H6PD: variants seen among roughly 807,000 people sequenced by gnomAD.
H6PD encodes GDH/6PGL endoplasmic bifunctional protein.
A neutral mutation model predicts 61.2 loss-of-function variants in H6PD; 48 were observed. The observed-to-expected ratio is 0.78, with a 90% CI of 0.62 to 1.00. H6PD has a LOEUF of 1.00. Among genes scored for constraint, H6PD ranks in the 50% least tolerant of loss-of-function variants. The pLI, the probability that H6PD is intolerant of heterozygous loss-of-function variation, is 0.00. For synonymous variants in H6PD, 480 were observed against 457.9 expected (o/e 1.05, Z -0.62); for missense variants, 1,093 against 1,065.0 (o/e 1.03, Z -0.37).
At chr1:9,259,471 T>C (rs1344402011) in intron 3 of H6PD, among the ~76,000 whole-genome samples, 1 of 152,222 alleles carries the variant, frequency 6.6e-6, no homozygotes, top group Non-Finnish European at 1.5e-5. Flanking sequence ...TATGTTGTTA[T>C]GCTGGTGTTG....
rs1557427009 is a variant in H6PD, at chr1:9,264,733, T to C, written c.2240T>C (p.Met747Thr). The C allele has an allele frequency of 1.2e-6, 2 of 1,613,246 alleles. No homozygotes were observed. The highest frequency in any genetic ancestry group is 2.2e-5 in the South Asian group (2 of 91,088). ...GCCAAGAAGGTGGCAGTCCTGGTCATGGGCAGGATGAAGCGTGAGATCACC... is the reference window on the plus strand; with the variant it reads ...GCCAAGAAGGTGGCAGTCCTGGTCACGGGCAGGATGAAGCGTGAGATCACC... The part of the protein sequence containing the change: ...NRAKKVAVLV[M>T]GRMKREITTL... Residue 747 changes from methionine (M) to threonine (T), a missense_variant, in exon 5 of 5, where the codon ATG becomes ACG. Transcript: ENST00000377403.
At chr1:9,251,314 C>CT (rs1001704395) in intron 3 of H6PD, among the ~76,000 whole-genome samples, 6 of 152,224 alleles carry the variant, frequency 3.9e-5, no homozygotes, top group African/African-American at 1.4e-4. Context: ...GCCTGAGCCT[C>CT]TAACCACTGA....
rs1570088122 is a variant in H6PD, at chr1:9,245,045, G to A, written c.111G>A (p.Leu37=). The A allele has an allele frequency of 2.5e-6, 4 of 1,614,230 alleles. No individual in the cohort carries two copies. Among genetic ancestry groups the A allele is most frequent in the Non-Finnish European group, 3.4e-6 (4 of 1,180,034 alleles). The change falls in exon 2 of 5, where the codon CTG becomes CTA. Residue 37 remains leucine (L), a synonymous_variant. Coordinates refer to ENST00000377403, the MANE Select transcript of H6PD (RefSeq NM_004285.4). The surrounding 1 kb of genome is among the most constrained non-coding windows in gnomAD (Gnocchi z 4.8). Reference sequence around the variant, plus strand: ...TCCTGCTGGGAGCAACTGGGGACCTGGCTAAGAAGTACTTATGGCAGGGAC... The same window carrying A: ...TCCTGCTGGGAGCAACTGGGGACCTAGCTAAGAAGTACTTATGGCAGGGAC... ...SIILLGATGD[L]AKKYLWQGLF... is the part of the protein sequence containing the mutation.
At chr1:9,250,881 T>C (rs1346549631) in intron 3 of H6PD, among the ~76,000 whole-genome samples, 1 of 152,070 alleles carries the variant, frequency 6.6e-6, no homozygotes, top group Non-Finnish European at 1.5e-5. Context: ...TCCTCCATGC[T>C]GGGTGAGTGT....
intron 1 of H6PD, among the ~76,000 whole-genome samples, chr1:9,237,922 AAAAC>A (rs1317432775): frequency 1.3e-5 from 2 of 152,346 alleles, no homozygotes; most frequent in East Asian, 1.9e-4. Flanking sequence ...TGCGGAGAAC[AAAAC>A]AAACAAAAGT....
rs772283974 is a variant in H6PD, at chr1:9,264,051, T to C, written c.1558T>C (p.Leu520=). The C allele has an allele frequency of 5.0e-6, 8 of 1,613,976 alleles. No individual in the cohort carries two copies. In the East Asian group the frequency reaches 1.3e-4, roughly 27 times the overall value. Residue 520 remains leucine (L), a synonymous_variant, in exon 5 of 5, where the codon TTG becomes CTG. Coordinates refer to ENST00000377403, the MANE Select transcript of H6PD (RefSeq NM_004285.4). ...GGACTTTGAGTTCAGTAGCGGCCGG[T>C]TGTTCTTTTCCCAGCAGCAGCCGGA... ...LLDFEFSSGR[L]FFSQQQPEQL... is the part of the protein sequence containing the mutation.
At chr1:9,249,669 T>C (rs1034661206) in intron 3 of H6PD, among the ~76,000 whole-genome samples, 7 of 152,188 alleles carry the variant, frequency 4.6e-5, no homozygotes, top group Admixed American at 6.5e-5. Context: ...GGAGATCCAC[T>C]AGTCCTGGAG....
chr1:9,236,668 TAAAAAAAAAAAA>T, intron 1 of H6PD, among the ~76,000 whole-genome samples: 1 of 111,454 alleles, frequency 9.0e-6, no homozygotes, highest in South Asian at 3.0e-4. Context: ...GACTTCTCCT[TAAAAAAAAAAAA>T]AAAAAAAAGC....
In H6PD at chr1:9,265,145, C is replaced by T. The variant is rs903617311; in HGVS notation, c.*276C>T. 3.6e-6 allele frequency: 2 copies of T among 547,956 alleles called. No homozygotes were observed. The highest frequency in any genetic ancestry group is 3.8e-5 in the African/African-American group (2 of 52,764). 33.9% of individuals were successfully genotyped at this position (547,956 alleles called of 1,614,324 possible). A position where few individuals can be genotyped will look rare whatever the true frequency, so the allele number is the denominator to read the frequency against. The stretch of plus-strand genomic sequence containing the variant: ...GGAGAGAAGTCTTAAGAAAAGACCT[C>T]CAGCAGTTACACATTCATATCAACC... On this transcript the variant is annotated 3_prime_UTR_variant, in exon 5 of 5. Coordinates refer to ENST00000377403, the MANE Select transcript of H6PD (RefSeq NM_004285.4).
chr1:9,264,641 C>A lies in H6PD; in HGVS notation c.2148C>A (p.Val716=). 6.2e-7 allele frequency: 1 copy of A among 1,612,970 alleles called. No individual in the cohort carries two copies. Among genetic ancestry groups the A allele is most frequent in the South Asian group, 1.1e-5 (1 of 91,068 alleles). Residue 716 remains valine (V), a synonymous_variant, in exon 5 of 5, where the codon GTC becomes GTA. Coordinates refer to ENST00000377403, the MANE Select transcript of H6PD (RefSeq NM_004285.4). ...SPTGLDGEQL[V]VLTTSPSQPH... is the part of the protein sequence containing the mutation. ...CTGGCCTGGATGGCGAGCAGCTGGT[C>A]GTGCTGACCACGAGCCCCTCCCAGC...
chr1:9,239,034 C>G (rs72867293), intron 1 of H6PD, among the ~76,000 whole-genome samples: 4,893 of 151,784 alleles, frequency 0.032, 230 homozygotes, highest in African/African-American at 0.11. Flanking sequence ...TATTTATTAC[C>G]TTTCTTTTTA....
Position 9,264,866 on chromosome 1 carries a change from A to G in H6PD, c.2373A>G (p.Gly791=). ...ACATGGACTACGACGCCTTCCTGGGATGAGGGCGCCTGTGCCCCTTGCCCG... is the reference window on the plus strand; with the variant it reads ...ACATGGACTACGACGCCTTCCTGGGGTGAGGGCGCCTGTGCCCCTTGCCCG... The part of the protein sequence containing the change: ...VWYMDYDAFL[G] The change falls in exon 5 of 5, where the codon GGA becomes GGG. Residue 791 remains glycine, a synonymous_variant. Transcript: ENST00000377403. 1 of 1,611,324 alleles carries G rather than the reference A, an allele frequency of 6.2e-7. No individual in the cohort carries two copies. The highest frequency in any genetic ancestry group is 8.5e-7 in the Non-Finnish European group (1 of 1,179,994).
At position 9,254,591 on chromosome 1, in the gene H6PD, A is replaced by G. The variant is rs189987283; in HGVS notation, c.746-7468A>G. Among the ~76,000 whole-genome samples the G allele has an allele frequency of 3.2e-4, 49 of 151,656 alleles. No homozygotes were observed. The highest frequency in any genetic ancestry group is 1.0e-3 in the African/African-American group (43 of 41,324). On this transcript the variant is annotated intron_variant, in intron 3 of 4. Coordinates refer to ENST00000377403, the MANE Select transcript of H6PD (RefSeq NM_004285.4). This position sits in a 1 kb window ranked among gnomAD's most constrained non-coding sequence, Gnocchi z 4.6. ...CAAAGGCTGCCTCACTGATTTCACT[A>G]CCACCAGTCCCATCCTGTTCATCTT...
chr1:9,241,437 C>T (rs537402854), intron 1 of H6PD, among the ~76,000 whole-genome samples: 2 of 152,120 alleles, frequency 1.3e-5, no homozygotes, highest in African/African-American at 2.4e-5. Context: ...CAGGATCTTG[C>T]TCTGTCACCA....
chr1:9,244,198 G>A (rs1455643673), intron 1 of H6PD, among the ~76,000 whole-genome samples: 2 of 152,152 alleles, frequency 1.3e-5, no homozygotes, highest in Non-Finnish European at 2.9e-5. Context: ...TGCTTAATAG[G>A]TGATAGGTAC....
chr1:9,247,011 T>C lies in H6PD; in HGVS notation c.673T>C (p.Leu225=), dbSNP rs1401443198. ...TTTCCGAGACCAGAACCGCAAGGCT[T>C]TGGACGGCCTCTGGAACCGGCACCA... The part of the protein sequence containing the change: ...LPFRDQNRKA[L]DGLWNRHHVE... The change falls in exon 3 of 5, where the codon TTG becomes CTG. Residue 225 remains leucine, a synonymous_variant. Transcript: ENST00000377403. The C allele has an allele frequency of 1.2e-6, 2 of 1,613,962 alleles. No individual in the cohort carries two copies. The highest frequency in any genetic ancestry group is 1.7e-6 in the Non-Finnish European group (2 of 1,179,942).
chr1:9,240,739 T>C (rs1035756183), intron 1 of H6PD, among the ~76,000 whole-genome samples: 2 of 152,218 alleles, frequency 1.3e-5, no homozygotes, highest in Non-Finnish European at 2.9e-5. Flanking sequence ...TCCATGCTCT[T>C]TGGCTAACTT....
In H6PD at chr1:9,259,210, G is replaced by A. The variant is rs146154398; in HGVS notation, c.746-2849G>A. 7.2e-4 allele frequency among the ~76,000 whole-genome samples: 110 copies of A among 152,156 alleles called. No individual in the cohort carries two copies. In the East Asian group the frequency reaches 0.019, roughly 27 times the overall value. ...GGTTTCACCATGTTAGGATGGTCTC[G>A]ATCTCCTGACCTCGTGATCCGCCTG... On this transcript the variant is annotated intron_variant, in intron 3 of 4. Transcript: ENST00000377403.
Position 9,265,076 on chromosome 1 carries a change from G to A in H6PD, c.*207G>A. Reference sequence around the variant, plus strand: ...TATTGGTGGATAGATGCAGAAACAAGGAAGAAATGGAGTCTGCTCCTGAGA... The same window carrying A: ...TATTGGTGGATAGATGCAGAAACAAAGAAGAAATGGAGTCTGCTCCTGAGA... On this transcript the variant is annotated 3_prime_UTR_variant, in exon 5 of 5. Transcript: ENST00000377403. The A allele has an allele frequency of 1.6e-6, 1 of 631,334 alleles. No individual in the cohort carries two copies. Among genetic ancestry groups the A allele is most frequent in the South Asian group, 1.8e-5 (1 of 54,188 alleles). The allele number at this position is 631,334 out of a possible 1,614,324, so 39.1% of individuals were successfully genotyped here.
Sources: allele counts gnomAD v4.1 joint callset (sites outside exome capture counted in the v4.1 genomes callset), GRCh38; gene constraint gnomAD v4.1.1; non-coding constraint Gnocchi (gnomAD v3.1); transcripts MANE v1.5; gene names NCBI Gene and HGNC (gene_info 2026-07-23, HGNC 2026-07-21).